Variants in KIF27 observed in about 807,000 individuals in gnomAD.
KIF27 encodes the protein kinesin family member 27.
Under a neutral mutation model 141.8 loss-of-function variants are expected in KIF27, and 84 were observed. The observed-to-expected ratio is 0.59, with a 90% CI of 0.50 to 0.71. The LOEUF (loss-of-function observed/expected upper bound fraction) is 0.71. Among genes scored for constraint, KIF27 ranks in the 30% least tolerant of loss-of-function variants. The pLI is 0.00. For synonymous variants in KIF27, 471 were observed against 569.5 expected (o/e 0.83, Z 2.46); for missense variants, 1,306 against 1,628.4 (o/e 0.80, Z 3.41).
At chr9:83,908,946 T>C (rs1227842369) in intron 2 of KIF27, among the ~76,000 whole-genome samples, 2 of 152,018 alleles carry the variant, frequency 1.3e-5, no homozygotes, top group African/African-American at 2.4e-5. Context: ...ACCACAACTA[T>C]AAAATTAACA....
chr9:83,865,028 G>A (rs969352458), intron 13 of KIF27, among the ~76,000 whole-genome samples: 2 of 151,976 alleles, frequency 1.3e-5, no homozygotes, highest in East Asian at 1.9e-4. Context: ...CATTTGCTTG[G>A]TATATCTTCC....
At chr9:83,846,847 G>C (rs1357284200) in intron 16 of KIF27, among the ~76,000 whole-genome samples, 1 of 152,162 alleles carries the variant, frequency 6.6e-6, no homozygotes, top group African/African-American at 2.4e-5. Flanking sequence ...ATTGCCACCT[G>C]GACACTTTGG....
intron 16 of KIF27, among the ~76,000 whole-genome samples, chr9:83,845,888 T>G (rs1947211592): frequency 6.6e-6 from 1 of 152,208 alleles, no homozygotes; most frequent in Admixed American, 6.5e-5. Context: ...TGTGAAGATA[T>G]TTGTATCCCA....
At chr9:83,873,818 G>C (rs751555704) in intron 11 of KIF27, among the ~76,000 whole-genome samples, 1 of 152,218 alleles carries the variant, frequency 6.6e-6, no homozygotes, top group Non-Finnish European at 1.5e-5. Context: ...GGGAGGCCAA[G>C]GCGGGTAGAT....
At chr9:83,875,073 G>A (rs191482768) in intron 11 of KIF27, among the ~76,000 whole-genome samples, 1 of 151,936 alleles carries the variant, frequency 6.6e-6, no homozygotes, top group Non-Finnish European at 1.5e-5. Flanking sequence ...AGAGTGCTAT[G>A]TCTTGCTGGT....
chr9:83,889,141 T>C lies in KIF27; in HGVS notation c.1922A>G (p.Gln641Arg), dbSNP rs1015883192. Reference protein sequence around the residue: ...IEEQDKVLHCQFSDNSDDEES... With the variant: ...IEEQDKVLHCRFSDNSDDEES... ...TTCATCATCACTGTTATCAGAAAAT[T>C]GGCAGTGGAGGACCTTATCTTGTTC... The change falls in exon 7 of 18, where the codon CAA (glutamine) becomes CGA (arginine). Residue 641 changes from glutamine to arginine, a missense_variant. Gln to Arg is a conservative substitution (Grantham distance 43). Around this residue, in one of 4 missense-constraint regions of KIF27, gnomAD observed 596 missense variants for 751.6 expected, o/e 0.79. Coordinates refer to ENST00000297814, the MANE Select transcript of KIF27 (RefSeq NM_017576.4). The C allele has an allele frequency of 5.0e-6, 8 of 1,613,766 alleles. No individual in the cohort carries two copies. Among genetic ancestry groups the C allele is most frequent in the Non-Finnish European group, 6.8e-6 (8 of 1,179,864 alleles).
Position 83,903,528 on chromosome 9 carries a change from A to G in KIF27, c.990T>C (p.Asn330=). ...PSSSNFDESL[N]SLKYANRARN... is the part of the protein sequence containing the mutation. ...GTGCTCTGTTGGCATATTTGAGAGA[A>G]TTTAAGGACTCATCAAAATTCGAGG... The change falls in exon 4 of 18, where the codon AAT becomes AAC. Residue 330 remains asparagine, a synonymous_variant. Coordinates refer to ENST00000297814, the MANE Select transcript of KIF27 (RefSeq NM_017576.4). 1 of 1,614,134 alleles carries G rather than the reference A, an allele frequency of 6.2e-7. No individual in the cohort carries two copies. The highest frequency in any genetic ancestry group is 8.5e-7 in the Non-Finnish European group (1 of 1,180,004).
intron 16 of KIF27, among the ~76,000 whole-genome samples, chr9:83,844,427 C>T (rs1474828509): frequency 6.7e-6 from 1 of 150,354 alleles, no homozygotes; most frequent in African/African-American, 2.5e-5. Context: ...GTTTTGGTAC[C>T]AGGAGTGGCT....
chr9:83,869,632 C>A (rs940389763), intron 12 of KIF27, among the ~76,000 whole-genome samples: 11 of 152,080 alleles, frequency 7.2e-5, no homozygotes, highest in African/African-American at 2.7e-4. Context: ...GAAGCTGAGG[C>A]AAGAGAATGG....
intron 11 of KIF27, among the ~76,000 whole-genome samples, chr9:83,878,628 T>C (rs993985765): frequency 7.2e-5 from 11 of 152,262 alleles, no homozygotes; most frequent in African/African-American, 2.6e-4. Context: ...GAAAATATTA[T>C]GCTAAATGAA....
chr9:83,902,154 A>G (rs1278449117), intron 4 of KIF27, among the ~76,000 whole-genome samples: 1 of 152,232 alleles, frequency 6.6e-6, no homozygotes, highest in Non-Finnish European at 1.5e-5. Context: ...ATTACATGTA[A>G]AAAGGCTTTG....
chr9:83,878,315 A>G (rs1951399457), intron 11 of KIF27, among the ~76,000 whole-genome samples: 1 of 152,108 alleles, frequency 6.6e-6, no homozygotes, highest in Non-Finnish European at 1.5e-5. Flanking sequence ...ATGTAAAATG[A>G]TGCTGCTGCT....
Position 83,903,706 on chromosome 9 carries a change from A to T in KIF27, c.812T>A (p.Leu271Ter). The change falls in exon 4 of 18, where the codon TTG (leucine) becomes TAG (stop). Residue 271 changes from leucine (L) to a stop codon, truncating the protein, a stop_gained. Transcript: ENST00000297814. LOFTEE classifies it high-confidence loss of function. Reference sequence around the variant, plus strand: ...GCTTATTACATTTCCTAAAGCCAGCAATCCACTATTGATTTGAATGGATTC... The same window carrying T: ...GCTTATTACATTTCCTAAAGCCAGCTATCCACTATTGATTTGAATGGATTC... Reference protein sequence around the residue: ...FKESIQINSGLLALGNVISAL... With the variant: ...FKESIQINSG The T allele has an allele frequency of 6.2e-7, 1 of 1,614,140 alleles. No homozygotes were observed.
chr9:83,872,271 GC>G (rs1311997327), intron 11 of KIF27, among the ~76,000 whole-genome samples: 1 of 152,094 alleles, frequency 6.6e-6, no homozygotes, highest in Non-Finnish European at 1.5e-5. Flanking sequence ...CTGAGATCGC[GC>G]CACTGCACTC....
At chr9:83,891,936 G>A (rs1363127607) in intron 5 of KIF27, among the ~76,000 whole-genome samples, 2 of 152,284 alleles carry the variant, frequency 1.3e-5, no homozygotes, top group East Asian at 3.9e-4. Flanking sequence ...ACAAGTGCAG[G>A]GAAGTGAAAG....
chr9:83,860,312 A>G (rs957097537), intron 13 of KIF27, among the ~76,000 whole-genome samples: 4 of 152,174 alleles, frequency 2.6e-5, no homozygotes, highest in Admixed American at 2.6e-4. Flanking sequence ...GGCCACCTTC[A>G]ACCTTTTCAG....
intron 2 of KIF27, among the ~76,000 whole-genome samples, chr9:83,913,456 T>G (rs1955385857): frequency 6.6e-6 from 1 of 152,132 alleles, no homozygotes; most frequent in Non-Finnish European, 1.5e-5. Context: ...TTTTTTTTTT[T>G]GAGACAGAGT....
At position 83,879,433 on chromosome 9, in the gene KIF27, C is replaced by T. The variant is rs1163729189; in HGVS notation, c.2643+864G>A. 4.0e-5 allele frequency among the ~76,000 whole-genome samples: 6 copies of T among 149,584 alleles called. No homozygotes were observed. In the East Asian group the frequency reaches 1.0e-3, roughly 25 times the overall value. ...ATGTGCAGGGACAGGGAGTATATGGCATATCTCTGCACCTTCCTTTCAATT... is the reference window on the plus strand; with the variant it reads ...ATGTGCAGGGACAGGGAGTATATGGTATATCTCTGCACCTTCCTTTCAATT... On this transcript the variant is annotated intron_variant, in intron 11 of 17. Coordinates refer to ENST00000297814, the MANE Select transcript of KIF27 (RefSeq NM_017576.4).
chr9:83,849,290 T>C (rs1436573615), intron 16 of KIF27: 2 of 152,220 alleles, frequency 1.3e-5, no homozygotes, highest in Admixed American at 6.5e-5. Context: ...TGGTTGCTAA[T>C]TAACCAGTGA....
Sources: allele counts gnomAD v4.1 joint callset (sites outside exome capture counted in the v4.1 genomes callset), GRCh38; gene constraint gnomAD v4.1.1; regional missense constraint gnomAD v4.1.1; transcripts MANE v1.5; gene names NCBI Gene and HGNC (gene_info 2026-07-23, HGNC 2026-07-21).